The following SNX8 variants were observed in gnomAD, a reference collection of about 807,000 sequenced individuals.
The protein encoded by SNX8 is sorting nexin 8, also known as sorting nexin-8.
A neutral mutation model predicts 51.6 loss-of-function variants in SNX8; 25 were observed. The ratio of observed to expected loss-of-function variants is 0.48; its 90% CI spans 0.35 to 0.68. The LOEUF is 0.68. SNX8 is among the 30% of genes least tolerant of loss of function. The pLI is 0.00. For missense variants in SNX8, 695 were observed against 624.0 expected (o/e 1.11, Z -1.21); for synonymous variants, 324 against 277.0 (o/e 1.17, Z -1.68).
intron 7 of SNX8, among the ~76,000 whole-genome samples, chr7:2,260,666 C>A (rs1795314428): frequency 6.6e-6 from 1 of 152,116 alleles, no homozygotes; most frequent in African/African-American, 2.4e-5. Context: ...TCGCTGCCCC[C>A]GACTGAACAG....
chr7:2,279,283 C>T (rs1285932418), intron 1 of SNX8, among the ~76,000 whole-genome samples: 1 of 145,466 alleles, frequency 6.9e-6, no homozygotes. Flanking sequence ...GACTCACTCA[C>T]ACTACGGAGT....
intron 1 of SNX8, among the ~76,000 whole-genome samples, chr7:2,329,085 CAA>C (rs574333536): frequency 9.9e-6 from 1 of 101,182 alleles, no homozygotes; most frequent in Admixed American, 1.1e-4. Flanking sequence ...GACTCTGTCT[CAA>C]AAAAAAAAAA....
chr7:2,304,339 T>C (rs375852933), intron 1 of SNX8, among the ~76,000 whole-genome samples: 3,069 of 151,080 alleles, frequency 0.02, 58 homozygotes, highest in South Asian at 0.1. Context: ...GGTCAGGAGA[T>C]AGAGACCATC....
chr7:2,327,118 T>C (rs776908601), intron 1 of SNX8, among the ~76,000 whole-genome samples: 35 of 152,182 alleles, frequency 2.3e-4, no homozygotes, highest in Non-Finnish European at 3.5e-4. Flanking sequence ...TTCCAGCTTC[T>C]GGTGTTTGTC....
chr7:2,287,556 G>A (rs1475776278), intron 1 of SNX8, among the ~76,000 whole-genome samples: 1 of 152,154 alleles, frequency 6.6e-6, no homozygotes, highest in Non-Finnish European at 1.5e-5. Context: ...TCCAGCCTGG[G>A]CAACAAGAGC....
At chr7:2,266,070 T>A (rs976411770) in intron 5 of SNX8, among the ~76,000 whole-genome samples, 2 of 152,124 alleles carry the variant, frequency 1.3e-5, no homozygotes, top group African/African-American at 4.8e-5. Flanking sequence ...TGACCTACGA[T>A]TGCACCACTG....
intron 3 of SNX8, 98 bp from the exon 4 acceptor site, chr7:2,272,069 G>A: frequency 6.6e-7 from 1 of 1,524,376 alleles, no homozygotes; most frequent in Non-Finnish European, 8.9e-7. Context: ...AGGTGGCAGA[G>A]GGCCCAGCGG....
At position 2,297,838 on chromosome 7, in the gene SNX8, C is replaced by G. The variant is rs557558413; in HGVS notation, c.94+16490G>C. Among the ~76,000 whole-genome samples, 5 of 151,724 alleles carry G rather than the reference C, an allele frequency of 3.3e-5. No individual in the cohort carries two copies. In the South Asian group the frequency reaches 1.0e-3, roughly 32 times the overall value. ...TCACTTATAAGTGAGAGCTGAACTA[C>G]GGGGACACAAAAGCAGGCAAAAGTG... On this transcript the variant is annotated intron_variant, in intron 1 of 10. Coordinates refer to ENST00000222990, the MANE Select transcript of SNX8 (RefSeq NM_013321.4).
chr7:2,303,734 G>C (rs1796472961), intron 1 of SNX8, among the ~76,000 whole-genome samples: 1 of 152,100 alleles, frequency 6.6e-6, no homozygotes, highest in Admixed American at 6.6e-5. Context: ...GATATGCTTT[G>C]TTAAACAGAT....
chr7:2,267,996 C>A (rs77479214), intron 5 of SNX8, among the ~76,000 whole-genome samples: 4 of 148,090 alleles, frequency 2.7e-5, no homozygotes, highest in Admixed American at 1.3e-4. Context: ...CGCCTCTGCC[C>A]GGCCGAGACC....
chr7:2,333,137 C>T (rs1778769766), intron 1 of SNX8, among the ~76,000 whole-genome samples: 1 of 151,318 alleles, frequency 6.6e-6, no homozygotes, highest in Non-Finnish European at 1.5e-5. Context: ...TGGTCTTGAA[C>T]TCCTGACCTC....
intron 1 of SNX8, among the ~76,000 whole-genome samples, chr7:2,280,965 G>T (rs944047456): frequency 6.6e-6 from 1 of 151,888 alleles, no homozygotes; most frequent in Non-Finnish European, 1.5e-5. Context: ...GCTAATTTTT[G>T]TATTTTTAGT....
intron 1 of SNX8, among the ~76,000 whole-genome samples, chr7:2,341,421 C>T (rs957540579): frequency 6.6e-6 from 1 of 151,730 alleles, no homozygotes; most frequent in African/African-American, 2.4e-5. Context: ...ATCGCTAGAA[C>T]CCAGGAGGCA....
At chr7:2,351,910 T>TA (rs1554271089) in intron 1 of SNX8, among the ~76,000 whole-genome samples, 4 of 132,140 alleles carry the variant, frequency 3.0e-5, no homozygotes, top group African/African-American at 1.1e-4. Flanking sequence ...TGTTGGTTTT[T>TA]TTTTTTTTTT....
chr7:2,283,363 T>A lies in SNX8; in HGVS notation c.95-5058A>T, dbSNP rs59125464. Reference sequence around the variant, plus strand: ...CACACTACTTCCTGCTGACCCAGCGTGGGGCTACACTGAGCACTCACACAC... The same window carrying A: ...CACACTACTTCCTGCTGACCCAGCGAGGGGCTACACTGAGCACTCACACAC... On this transcript the variant is annotated intron_variant, in intron 1 of 10. Coordinates refer to ENST00000222990, the MANE Select transcript of SNX8 (RefSeq NM_013321.4). Among the ~76,000 whole-genome samples, 881 of 152,264 alleles carry A rather than the reference T, an allele frequency of 5.8e-3. 9 individuals carry two copies. Among genetic ancestry groups the A allele is most frequent in the African/African-American group, 0.02 (821 of 41,552 alleles).
intron 1 of SNX8, among the ~76,000 whole-genome samples, chr7:2,319,866 G>T (rs938445176): frequency 4.0e-4 from 60 of 150,106 alleles, no homozygotes; most frequent in African/African-American, 1.3e-3. Context: ...TGTAGTCCCA[G>T]CTACTCAGGA....
chr7:2,258,838 G>A (rs1255274571), intron 7 of SNX8, among the ~76,000 whole-genome samples: 1 of 152,148 alleles, frequency 6.6e-6, no homozygotes, highest in Non-Finnish European at 1.5e-5. Flanking sequence ...AGCCCAACAG[G>A]GCAGTGAGTG....
chr7:2,348,101 G>A (rs1253192446), intron 1 of SNX8, among the ~76,000 whole-genome samples: 2 of 152,018 alleles, frequency 1.3e-5, no homozygotes, highest in Non-Finnish European at 2.9e-5. Context: ...TACTATGTAA[G>A]GAATTTAAAA....
At chr7:2,276,297 G>A (rs981313765) in intron 2 of SNX8, among the ~76,000 whole-genome samples, 7 of 152,228 alleles carry the variant, frequency 4.6e-5, no homozygotes, top group Admixed American at 1.3e-4. Context: ...CCCACCAGCT[G>A]GTCCACATCC....
Sources: allele counts gnomAD v4.1 joint callset (sites outside exome capture counted in the v4.1 genomes callset), GRCh38; gene constraint gnomAD v4.1.1; transcripts MANE v1.5; gene names NCBI Gene and HGNC (gene_info 2026-07-23, HGNC 2026-07-21).